Variants in KIF3A observed in about 807,000 individuals in gnomAD.
KIF3A encodes kinesin-like protein KIF3A.
Under a neutral mutation model 92.6 loss-of-function variants are expected in KIF3A, and 27 were observed. The observed-to-expected ratio is 0.29, with a 90% CI of 0.21 to 0.40. The LOEUF (loss-of-function observed/expected upper bound fraction) is 0.40, where lower values mean the gene tolerates loss of function less well. KIF3A is among the 10% of genes least tolerant of loss of function. The probability of loss-of-function intolerance (pLI) is 1.00; values close to 1 mark genes in which losing one functional copy is unlikely to be tolerated. For missense variants in KIF3A, 581 were observed against 872.6 expected (o/e 0.67, Z 4.21); for synonymous variants, 250 against 275.4 (o/e 0.91, Z 0.92).
At position 132,715,885 on chromosome 5, in the gene KIF3A, C is replaced by G; in HGVS notation, c.1001G>C (p.Ser334Thr). The G allele has an allele frequency of 6.2e-7, 1 of 1,603,954 alleles. No homozygotes were observed. The highest frequency in any genetic ancestry group is 8.5e-7 in the Non-Finnish European group (1 of 1,175,136). ...PADYNYDETI[S>T]TLRYANRAKN... ...AGCACGATTGGCATACCGTAATGTA[C>G]TGATAGTTTCATCATAATTGTAATC... Residue 334 changes from serine to threonine, a missense_variant, in exon 8 of 19, where the codon AGT (serine) becomes ACT (threonine). Ser to Thr is a moderately conservative substitution (Grantham distance 58). Transcript: ENST00000403231.
chr5:132,715,751 A>C lies in KIF3A; in HGVS notation c.1129+6T>G, dbSNP rs372012011. On this transcript the variant is annotated splice_donor_region_variant and intron_variant, in intron 8 of 18. Coordinates refer to ENST00000403231, the MANE Select transcript of KIF3A (RefSeq NM_001300791.2). ...CATAAAGATTAATATTTTGAGGAAA[A>C]GCTACCTTCTTCAAGCTTCTTTTTC... 3 of 1,600,514 alleles carry C rather than the reference A, an allele frequency of 1.9e-6. No individual in the cohort carries two copies. Among genetic ancestry groups the C allele is most frequent in the African/African-American group, 1.3e-5 (1 of 74,230 alleles).
chr5:132,708,858 T>A (rs1373088126), intron 10 of KIF3A, 49 bp downstream of exon 10: 1 of 1,285,996 alleles, frequency 7.8e-7, no homozygotes, highest in African/African-American at 1.5e-5. Context: ...AGCCCATGGG[T>A]TATGGAAAAG....
intron 2 of KIF3A, among the ~76,000 whole-genome samples, chr5:132,733,441 T>C (rs1581103988): frequency 6.6e-6 from 1 of 152,234 alleles, no homozygotes; most frequent in Middle Eastern, 3.4e-3. Flanking sequence ...CACTAAAAGC[T>C]ACAAAATACA....
chr5:132,700,377 CTA>C, intron 16 of KIF3A, 93 bp from the exon 17 acceptor site: 1 of 799,942 alleles, frequency 1.3e-6, no homozygotes, highest in Non-Finnish European at 2.1e-6. Context: ...TAACATTACA[CTA>C]GTAAAACATG....
intron 8 of KIF3A, among the ~76,000 whole-genome samples, chr5:132,712,121 T>C (rs1168232629): frequency 6.6e-6 from 1 of 152,208 alleles, no homozygotes; most frequent in Admixed American, 6.5e-5. Context: ...AAATATTTTT[T>C]TCTTCGGGCT....
At chr5:132,712,545 A>G (rs755934919) in intron 8 of KIF3A, among the ~76,000 whole-genome samples, 33 of 152,230 alleles carry the variant, frequency 2.2e-4, no homozygotes, top group Non-Finnish European at 2.4e-4. Flanking sequence ...AGAAAATAAC[A>G]TTGAGCAAAT....
At chr5:132,702,828 T>C (rs1219459215) in intron 13 of KIF3A, 57 bp downstream of exon 13, 1 of 1,528,842 alleles carries the variant, frequency 6.5e-7, no homozygotes, top group Non-Finnish European at 9.0e-7. Context: ...AGCTTTCCAC[T>C]AGAAAAGTTA....
chr5:132,727,780 G>C (rs1256267676), intron 2 of KIF3A, among the ~76,000 whole-genome samples: 1 of 152,228 alleles, frequency 6.6e-6, no homozygotes, highest in Non-Finnish European at 1.5e-5. Context: ...TGGGGAAACA[G>C]AGGGCTGGAG....
Position 132,715,891 on chromosome 5 carries a change from G to A in KIF3A, c.995C>T (p.Thr332Ile), listed in dbSNP as rs1387272074. The change falls in exon 8 of 19, where the codon ACT becomes ATT. Residue 332 changes from threonine (T) to isoleucine (I), a missense_variant. Coordinates refer to ENST00000403231, the MANE Select transcript of KIF3A (RefSeq NM_001300791.2). The stretch of plus-strand genomic sequence containing the variant: ...ATTGGCATACCGTAATGTACTGATA[G>A]TTTCATCATAATTGTAATCTGCTGG... ...IGPADYNYDE[T>I]ISTLRYANRA... The A allele has an allele frequency of 1.2e-6, 2 of 1,602,276 alleles. No homozygotes were observed. The highest frequency in any genetic ancestry group is 1.3e-5 in the African/African-American group (1 of 74,510).
chr5:132,737,527 T>C lies in KIF3A; in HGVS notation c.-108A>G, dbSNP rs912521334. The C allele has an allele frequency of 7.6e-7, 1 of 1,313,886 alleles. No individual in the cohort carries two copies. 81.4% of individuals were successfully genotyped at this position (1,313,886 alleles called of 1,614,324 possible). A position where few individuals can be genotyped will look rare whatever the true frequency, so the allele number is the denominator to read the frequency against. On this transcript the variant is annotated 5_prime_UTR_variant, in exon 1 of 19. Transcript: ENST00000403231. ...GACTACCGAAACACCTCGTTGACGC[T>C]CTCGAGACTGCGGCTTCTCGGGCGA...
At chr5:132,720,814 A>C in intron 4 of KIF3A, 100 bp from the exon 5 acceptor site, 1 of 654,848 alleles carries the variant, frequency 1.5e-6, no homozygotes, top group Non-Finnish European at 2.6e-6. Context: ...CAGAGGGAAT[A>C]TACTGATAAG....
At chr5:132,701,944 TA>T in intron 15 of KIF3A, 142 bp downstream of exon 15, 2 of 863,492 alleles carry the variant, frequency 2.3e-6, no homozygotes, top group Non-Finnish European at 3.5e-6. Flanking sequence ...AGTTAACAAC[TA>T]AAGTGAAATG....
intron 18 of KIF3A, among the ~76,000 whole-genome samples, chr5:132,697,202 T>C (rs866866521): frequency 5.2e-4 from 79 of 152,330 alleles, no homozygotes; most frequent in African/African-American, 1.9e-3. Flanking sequence ...TATCATATAA[T>C]GTAACATAGC....
intron 11 of KIF3A, among the ~76,000 whole-genome samples, chr5:132,704,744 A>C (rs1753151413): frequency 6.6e-6 from 1 of 151,932 alleles, no homozygotes; most frequent in Non-Finnish European, 1.5e-5. Context: ...CTACAGAAGA[A>C]GAGTGTAAAT....
At chr5:132,689,052 G>T (rs1268963213), downstream of KIF3A, among the ~76,000 whole-genome samples, 1 of 152,120 alleles carries the variant, frequency 6.6e-6, no homozygotes, top group Non-Finnish European at 1.5e-5. Context: ...TTGAAGATTG[G>T]GTCACAGGAA....
At chr5:132,716,598 G>T (rs1030070160) in intron 6 of KIF3A, among the ~76,000 whole-genome samples, 156 bp from the exon 7 acceptor site, 1 of 152,162 alleles carries the variant, frequency 6.6e-6, no homozygotes, top group East Asian at 1.9e-4. Context: ...GTGGGGGAGA[G>T]TACATGAAAC....
intron 8 of KIF3A, among the ~76,000 whole-genome samples, chr5:132,711,883 TTAAAGA>T: frequency 6.7e-6 from 1 of 149,174 alleles, no homozygotes; most frequent in African/African-American, 2.4e-5. Flanking sequence ...ACACATTAAC[TTAAAGA>T]TAAAAAACAA....
At chr5:132,711,097 G>T (rs11740584) in intron 8 of KIF3A, 40 bp from the exon 9 acceptor site, 2 of 1,582,374 alleles carry the variant, frequency 1.3e-6, no homozygotes, top group South Asian at 2.2e-5. Context: ...TATCCTGTAC[G>T]AAGTCATTAG....
At position 132,703,069 on chromosome 5, in the gene KIF3A, T is replaced by C. The variant is rs1581066780; in HGVS notation, c.1467-4A>G. ...CAGCAAAGACTGATGCTCTTGTCTGTTGATTAGAATGAGAATACTCTATAT... is the reference window on the plus strand; with the variant it reads ...CAGCAAAGACTGATGCTCTTGTCTGCTGATTAGAATGAGAATACTCTATAT... On this transcript the variant is annotated splice_polypyrimidine_tract_variant and splice_region_variant and intron_variant, in intron 12 of 18. Transcript: ENST00000403231. 6.3e-7 allele frequency: 1 copy of C among 1,599,958 alleles called. No homozygotes were observed. Among genetic ancestry groups the C allele is most frequent in the Non-Finnish European group, 8.5e-7 (1 of 1,174,420 alleles).
Sources: gnomAD v4.1 joint callset for allele counts (sites outside exome capture counted in the v4.1 genomes callset) on GRCh38, gnomAD v4.1.1 for gene constraint, MANE v1.5 for transcripts, NCBI Gene and HGNC (gene_info 2026-07-23, HGNC 2026-07-21) for gene names.